The following AFF2 variants were observed in gnomAD, a reference collection of about 807,000 sequenced individuals.
AFF2 encodes AF4/FMR2 family member 2.
A neutral mutation model predicts 76.9 loss-of-function variants in AFF2; 14 were observed. The observed-to-expected ratio is 0.18, with a 90% CI of 0.12 to 0.28. The LOEUF (loss-of-function observed/expected upper bound fraction) is 0.28. AFF2 is among the 10% of genes least tolerant of loss of function. AFF2 has a pLI of 1.00. For missense variants in AFF2, 868 were observed against 1,001.1 expected, an observed-to-expected ratio of 0.87 and a Z score of 1.79; for synonymous variants, 398 against 366.7, an observed-to-expected ratio of 1.09 and a Z score of -0.98.
At chrX:148,904,387 C>G (rs782502272) in intron 9 of AFF2, 129 bp downstream of exon 9, 2 of 433,744 alleles carry the variant, frequency 4.6e-6, no homozygotes, top group East Asian at 8.3e-5. Context: ...AAGACAAAAA[C>G]AAAACAAGCC....
intron 3 of AFF2, among the ~76,000 whole-genome samples, chrX:148,685,926 C>T (rs1310746631): frequency 9.1e-6 from 1 of 110,044 alleles, no homozygotes; most frequent in East Asian, 2.8e-4. Flanking sequence ...CTCTCTCTCT[C>T]TCTATCTCTC....
intron 1 of AFF2, among the ~76,000 whole-genome samples, chrX:148,522,784 T>G (rs1466133926): frequency 1.2e-4 from 13 of 112,550 alleles, no homozygotes; most frequent in African/African-American, 4.2e-4. Context: ...TATTAATATA[T>G]TCCTATCTTG....
At chrX:148,503,656 T>C (rs996062356) in intron 1 of AFF2, among the ~76,000 whole-genome samples, 3 of 112,437 alleles carry the variant, frequency 2.7e-5, no homozygotes, top group Admixed American at 9.4e-5. Context: ...ATATGTGTTA[T>C]TTGCAAACAC....
At chrX:148,799,797 G>C (rs1049511180) in intron 3 of AFF2, among the ~76,000 whole-genome samples, 2 of 112,026 alleles carry the variant, frequency 1.8e-5, no homozygotes, top group African/African-American at 6.5e-5. Flanking sequence ...GCTTAGCATA[G>C]CGCCTCATTA....
At chrX:148,746,335 C>A (rs1356148280) in intron 3 of AFF2, among the ~76,000 whole-genome samples, 1 of 112,035 alleles carries the variant, frequency 8.9e-6, no homozygotes, top group African/African-American at 3.2e-5. Flanking sequence ...TACAGCCTAA[C>A]CTTTTCTCTC....
chrX:148,700,060 A>G (rs1352896081), intron 3 of AFF2, among the ~76,000 whole-genome samples: 5 of 111,333 alleles, frequency 4.5e-5, no homozygotes, highest in Non-Finnish European at 7.5e-5. Flanking sequence ...AGGGTATGTG[A>G]TGTGATTCTC....
chrX:148,685,436 T>G (rs781880421), intron 3 of AFF2, among the ~76,000 whole-genome samples: 10 of 112,486 alleles, frequency 8.9e-5, no homozygotes, highest in Non-Finnish European at 1.7e-4. Context: ...AGCATCTGCT[T>G]AGAGCCTTTA....
intron 3 of AFF2, among the ~76,000 whole-genome samples, chrX:148,750,593 G>A (rs1461273912): frequency 9.0e-6 from 1 of 111,353 alleles, no homozygotes; most frequent in African/African-American, 3.3e-5. Flanking sequence ...TTCTAGCCAT[G>A]CTCTACTTGT....
intron 3 of AFF2, among the ~76,000 whole-genome samples, chrX:148,712,852 T>G (rs2054984432): frequency 1.8e-5 from 2 of 111,863 alleles, no homozygotes; most frequent in African/African-American, 6.5e-5. Flanking sequence ...ACTTGCATCC[T>G]TGGAGCGGTG....
intron 3 of AFF2, among the ~76,000 whole-genome samples, chrX:148,798,564 T>G (rs782213790): frequency 8.9e-6 from 1 of 112,208 alleles, no homozygotes; most frequent in African/African-American, 3.2e-5. Context: ...TGGTCAAGAG[T>G]AGGTCTGGTT....
At chrX:148,785,144 C>CTCTGATG (rs1557269406) in intron 3 of AFF2, among the ~76,000 whole-genome samples, 1 of 112,271 alleles carries the variant, frequency 8.9e-6, no homozygotes, top group African/African-American at 3.2e-5. Context: ...CACATATACA[C>CTCTGATG]AGAGTCACAC....
intron 16 of AFF2, among the ~76,000 whole-genome samples, chrX:148,974,596 C>T (rs1557289980): frequency 8.9e-6 from 1 of 111,758 alleles, no homozygotes; most frequent in Non-Finnish European, 1.9e-5. Context: ...TGCATATTTT[C>T]CCAGTGACAC....
In AFF2 at chrX:148,922,750, A is replaced by C. The variant is rs925621240; in HGVS notation, c.1397+18492A>C. Among the ~76,000 whole-genome samples the C allele has an allele frequency of 6.3e-5, 7 of 111,362 alleles. No homozygotes were observed. The Admixed American group carries it at 6.7e-4, about 11-fold the overall frequency. On this transcript the variant is annotated intron_variant, in intron 9 of 20. Transcript: ENST00000370460. ...ACTCATACATCCCTGATCTCTTCCT[A>C]CTTATCAGGATGTTCTCAGCAAAAC... is the stretch of plus-strand genomic sequence containing the variant.
intron 3 of AFF2, among the ~76,000 whole-genome samples, chrX:148,723,596 A>G (rs1231695327): frequency 1.8e-5 from 2 of 112,138 alleles, no homozygotes; most frequent in Non-Finnish European, 3.8e-5. Context: ...TACCAACTGA[A>G]GCTCAGGTGA....
intron 3 of AFF2, among the ~76,000 whole-genome samples, chrX:148,730,444 A>T (rs2055207043): frequency 8.9e-6 from 1 of 112,349 alleles, no homozygotes; most frequent in South Asian, 3.7e-4. Context: ...ATTTTTCTAA[A>T]TCATGATGAA....
intron 3 of AFF2, among the ~76,000 whole-genome samples, chrX:148,785,873 G>A: frequency 8.9e-6 from 1 of 111,845 alleles, no homozygotes; most frequent in Non-Finnish European, 1.9e-5. Flanking sequence ...ACGAGTAAGG[G>A]AATCCACGCA....
intron 1 of AFF2, among the ~76,000 whole-genome samples, chrX:148,538,284 G>T (rs2052809505): frequency 8.9e-6 from 1 of 112,262 alleles, no homozygotes; most frequent in African/African-American, 3.2e-5. Flanking sequence ...AGAGTCACTG[G>T]ACTGGTAGAA....
chrX:148,904,298 A>G (rs782408768), intron 9 of AFF2, 40 bp downstream of exon 9: 1 of 828,181 alleles, frequency 1.2e-6, no homozygotes, highest in Admixed American at 2.3e-5. Flanking sequence ...GTTAATTTTA[A>G]CGGACTCGAT....
chrX:148,741,452 C>G (rs1454085177), intron 3 of AFF2, among the ~76,000 whole-genome samples: 1 of 110,698 alleles, frequency 9.0e-6, no homozygotes, highest in Non-Finnish European at 1.9e-5. Flanking sequence ...ACCTAGCTCC[C>G]ACGCAAACTG....
Sources: allele counts gnomAD v4.1 joint callset (sites outside exome capture counted in the v4.1 genomes callset), GRCh38; gene constraint gnomAD v4.1.1; transcripts MANE v1.5; gene names NCBI Gene and HGNC (gene_info 2026-07-23, HGNC 2026-07-21).